The following RBMS3 variants were observed in gnomAD, a reference collection of about 807,000 sequenced individuals.
The protein encoded by RBMS3 is RNA binding motif single stranded interacting protein 3, also known as RNA-binding motif, single-stranded-interacting protein 3.
Under a neutral mutation model 66.8 loss-of-function variants are expected in RBMS3, and 27 were observed. The observed-to-expected ratio is 0.40, with a 90% CI of 0.30 to 0.56. RBMS3 has a LOEUF of 0.56. RBMS3 is among the 20% of genes least tolerant of loss of function. The probability of loss-of-function intolerance (pLI) is 0.40; values close to 1 mark genes in which losing one functional copy is unlikely to be tolerated. For missense variants in RBMS3, 513 were observed against 549.5 expected (o/e 0.93, Z 0.66); for synonymous variants, 188 against 183.0 (o/e 1.03, Z -0.22).
intron 4 of RBMS3, among the ~76,000 whole-genome samples, chr3:29,687,397 GTTAT>G (rs1200916070): frequency 6.6e-6 from 1 of 152,192 alleles, no homozygotes; most frequent in East Asian, 1.9e-4. Flanking sequence ...CATGTATTAT[GTTAT>G]TTAGTTAGTT....
intron 4 of RBMS3, among the ~76,000 whole-genome samples, chr3:29,658,673 A>G (rs1160000324): frequency 1.3e-5 from 2 of 152,252 alleles, no homozygotes; most frequent in African/African-American, 4.8e-5. Context: ...CCAAATTCTC[A>G]TTCATGCCGT....
intron 6 of RBMS3, among the ~76,000 whole-genome samples, chr3:29,857,007 C>G (rs2059092669): frequency 6.6e-6 from 1 of 152,108 alleles, no homozygotes; most frequent in Non-Finnish European, 1.5e-5. Flanking sequence ...GAAAAAATAC[C>G]ATCTCAGGTC....
intron 2 of RBMS3, among the ~76,000 whole-genome samples, chr3:29,453,003 A>G (rs2125764142): frequency 6.6e-6 from 1 of 152,308 alleles, no homozygotes; most frequent in Non-Finnish European, 1.5e-5. Flanking sequence ...ATAGAACCTA[A>G]TACTTGTAAT....
At chr3:29,702,463 C>A (rs114385562) in intron 4 of RBMS3, among the ~76,000 whole-genome samples, 1,605 of 152,316 alleles carry the variant, frequency 0.011, 34 homozygotes, top group African/African-American at 0.037. Context: ...GCTGCCAGAG[C>A]TGGCAGTGGC....
At chr3:29,923,429 T>C (rs917735730) in intron 10 of RBMS3, among the ~76,000 whole-genome samples, 3 of 152,192 alleles carry the variant, frequency 2.0e-5, no homozygotes, top group African/African-American at 7.2e-5. Flanking sequence ...TCTGTCTCTA[T>C]AATAGGAATG....
intron 5 of RBMS3, among the ~76,000 whole-genome samples, chr3:29,751,095 C>A (rs1410530798): frequency 1.3e-5 from 2 of 151,758 alleles, no homozygotes; most frequent in Non-Finnish European, 1.5e-5. Flanking sequence ...GATTTAATAC[C>A]CAATCAAGGG....
intron 3 of RBMS3, among the ~76,000 whole-genome samples, chr3:29,496,401 G>A (rs1186515615): frequency 6.6e-5 from 10 of 151,948 alleles, no homozygotes; most frequent in Non-Finnish European, 1.5e-5. Flanking sequence ...TTTTGATATT[G>A]GCTTTTGTTT....
intron 3 of RBMS3, among the ~76,000 whole-genome samples, chr3:29,549,814 C>T (rs542326363): frequency 6.6e-6 from 1 of 152,090 alleles, no homozygotes; most frequent in Non-Finnish European, 1.5e-5. Context: ...ATATATGGTT[C>T]TTGGACTTAA....
intron 3 of RBMS3, among the ~76,000 whole-genome samples, chr3:29,535,604 C>T (rs917983229): frequency 3.3e-5 from 5 of 149,272 alleles, no homozygotes; most frequent in African/African-American, 1.2e-4. Flanking sequence ...CCAGTTCCTT[C>T]AACATTCTCT....
At chr3:29,782,433 C>T (rs2056669636) in intron 6 of RBMS3, among the ~76,000 whole-genome samples, 1 of 152,186 alleles carries the variant, frequency 6.6e-6, no homozygotes, top group Non-Finnish European at 1.5e-5. Flanking sequence ...AGAGCAATAA[C>T]AATCACTACA....
intron 5 of RBMS3, among the ~76,000 whole-genome samples, chr3:29,760,993 C>T (rs1442549647): frequency 2.0e-5 from 3 of 151,936 alleles, no homozygotes. Flanking sequence ...GATATACATA[C>T]TGAGCGTTAA....
chr3:29,725,049 T>A (rs2053800478), intron 4 of RBMS3, among the ~76,000 whole-genome samples: 1 of 152,188 alleles, frequency 6.6e-6, no homozygotes, highest in Non-Finnish European at 1.5e-5. Context: ...ATCCATTTAG[T>A]AATGTGCCCA....
intron 2 of RBMS3, among the ~76,000 whole-genome samples, chr3:29,450,562 C>G (rs2041978136): frequency 6.6e-6 from 1 of 152,114 alleles, no homozygotes; most frequent in Admixed American, 6.5e-5. Context: ...CACCTAAATT[C>G]AAAATCCTAT....
At position 29,853,423 on chromosome 3, in the gene RBMS3, C is replaced by CTTTTTTTTTTTTTTTTTT. The variant is rs71091081; in HGVS notation, c.638-15430_638-15413dup. On this transcript the variant is annotated intron_variant, in intron 6 of 14. Transcript: ENST00000383767. ...TGTATCTTAAGCTACAATTTACTTTCTTTTTTTTTTTTTTTTTTTTTTGCA... is the reference window on the plus strand; with the variant it reads ...TGTATCTTAAGCTACAATTTACTTTCTTTTTTTTTTTTTTTTTTTTTTTTTTTTTTTTTTTTTTTTGCA... 1.1e-4 allele frequency among the ~76,000 whole-genome samples: 9 copies of CTTTTTTTTTTTTTTTTTT among 84,542 alleles called. 3 individuals are homozygous for CTTTTTTTTTTTTTTTTTT. Among genetic ancestry groups the CTTTTTTTTTTTTTTTTTT allele is most frequent in the African/African-American group, 4.3e-4 (8 of 18,406 alleles). 55.5% of individuals were successfully genotyped at this position (84,542 alleles called of 152,430 possible). A position where few individuals can be genotyped will look rare whatever the true frequency, so the allele number is the denominator to read the frequency against.
intron 1 of RBMS3, among the ~76,000 whole-genome samples, chr3:29,398,115 G>A (rs528806550): frequency 9.2e-5 from 14 of 152,240 alleles, no homozygotes; most frequent in African/African-American, 1.4e-4. Context: ...GTGGCTATAT[G>A]AGCATCATAA....
chr3:29,666,935 A>C (rs1210951560), intron 4 of RBMS3, among the ~76,000 whole-genome samples: 5 of 152,154 alleles, frequency 3.3e-5, no homozygotes, highest in Admixed American at 6.5e-5. Context: ...ATCTACTATT[A>C]AGTTCAAGGA....
intron 3 of RBMS3, among the ~76,000 whole-genome samples, chr3:29,504,166 T>C (rs2044090459): frequency 6.6e-6 from 1 of 152,082 alleles, no homozygotes; most frequent in Non-Finnish European, 1.5e-5. Context: ...CTAGCCAGGA[T>C]CTGGGACTGA....
chr3:29,700,400 A>G (rs915435579), intron 4 of RBMS3, among the ~76,000 whole-genome samples: 5 of 152,218 alleles, frequency 3.3e-5, no homozygotes, highest in Admixed American at 6.5e-5. Context: ...GTTGTAGAAC[A>G]TGAGCTTATG....
intron 6 of RBMS3, among the ~76,000 whole-genome samples, chr3:29,817,054 G>C (rs1172850617): frequency 6.6e-6 from 1 of 152,052 alleles, no homozygotes; most frequent in East Asian, 1.9e-4. Context: ...TCGAACCACT[G>C]CACTCCAGCC....
Sources: gnomAD v4.1 joint callset for allele counts (sites outside exome capture counted in the v4.1 genomes callset) on GRCh38, gnomAD v4.1.1 for gene constraint, MANE v1.5 for transcripts, NCBI Gene and HGNC (gene_info 2026-07-23, HGNC 2026-07-21) for gene names.